The following AGAP1 variants were observed in gnomAD, a reference collection of about 807,000 sequenced individuals.
AGAP1 encodes arf-GAP with GTPase, ANK repeat and PH domain-containing protein 1.
A neutral mutation model predicts 105.3 loss-of-function variants in AGAP1; 29 were observed. The observed-to-expected ratio is 0.28, with a 90% CI of 0.21 to 0.38. The LOEUF is 0.38. Among genes scored for constraint, AGAP1 ranks in the 10% least tolerant of loss-of-function variants. The pLI, the probability that AGAP1 is intolerant of heterozygous loss-of-function variation, is 1.00. For synonymous variants in AGAP1, 509 were observed against 485.9 expected (o/e 1.05, Z -0.63); for missense variants, 998 against 1,165.1 (o/e 0.86, Z 2.09).
intron 1 of AGAP1, among the ~76,000 whole-genome samples, chr2:235,576,780 C>A (rs1220003157): frequency 6.6e-6 from 1 of 152,222 alleles, no homozygotes; most frequent in Admixed American, 6.5e-5. Context: ...AGATGCCCAG[C>A]GTAAGGGTAC....
intron 16 of AGAP1, among the ~76,000 whole-genome samples, chr2:236,086,225 A>C (rs1205172027): frequency 6.6e-6 from 1 of 152,182 alleles, no homozygotes; most frequent in African/African-American, 2.4e-5. Context: ...TGACTGCGTA[A>C]TTTTATCCTG....
rs561861358 is a variant in AGAP1 at position 235,710,661 on chromosome 2, G to A, written c.222+1424G>A. On this transcript the variant is annotated intron_variant, in intron 2 of 17. Coordinates refer to ENST00000304032, the MANE Select transcript of AGAP1 (RefSeq NM_001037131.3). ...TCTGTCTTTTGTGTGCTTTGTCACCGCGGCACTGGCAGGGTGTCTTAAGCC... is the reference window on the plus strand; with the variant it reads ...TCTGTCTTTTGTGTGCTTTGTCACCACGGCACTGGCAGGGTGTCTTAAGCC... 1.1e-4 allele frequency among the ~76,000 whole-genome samples: 16 copies of A among 152,342 alleles called. No homozygotes were observed. The East Asian group carries it at 1.2e-3, about 11-fold the overall frequency.
rs1420663537 is a variant in AGAP1, at chr2:235,620,822, G to A, written c.164-88357G>A. ...TGAACAAGTGAATGAGTGATCCTGA[G>A]TTTGCTCTGGTTTCCTTCTAGTTGT... is the stretch of plus-strand genomic sequence containing the variant. On this transcript the variant is annotated intron_variant, in intron 1 of 17. Coordinates refer to ENST00000304032, the MANE Select transcript of AGAP1 (RefSeq NM_001037131.3). The surrounding 1 kb of genome is among the most constrained non-coding windows in gnomAD (Gnocchi z 4.5). Among the ~76,000 whole-genome samples, 3 of 152,204 alleles carry A rather than the reference G, an allele frequency of 2.0e-5. No individual in the cohort carries two copies. The highest frequency in any genetic ancestry group is 4.4e-5 in the Non-Finnish European group (3 of 68,042).
At chr2:235,807,624 A>T (rs988506147) in intron 9 of AGAP1, among the ~76,000 whole-genome samples, 1 of 152,206 alleles carries the variant, frequency 6.6e-6, no homozygotes, top group African/African-American at 2.4e-5. Context: ...CACGGCTTTG[A>T]TTGGGCCGCG....
At chr2:236,022,548 T>C (rs1026341636) in intron 13 of AGAP1, among the ~76,000 whole-genome samples, 4 of 152,212 alleles carry the variant, frequency 2.6e-5, no homozygotes, top group Admixed American at 6.5e-5. Context: ...TGTCTTTTAT[T>C]TTTGGACAGA....
In AGAP1 at chr2:235,908,709, C is replaced by G; in HGVS notation, c.1156-29C>G. 6.9e-7 allele frequency: 1 copy of G among 1,443,892 alleles called. No individual in the cohort carries two copies. Among genetic ancestry groups the G allele is most frequent in the Non-Finnish European group, 9.3e-7 (1 of 1,080,090 alleles). The allele number at this position is 1,443,892 out of a possible 1,614,324, so 89.4% of individuals were successfully genotyped here. On this transcript the variant is annotated intron_variant, in intron 10 of 17. Coordinates refer to ENST00000304032, the MANE Select transcript of AGAP1 (RefSeq NM_001037131.3). The surrounding 1 kb of genome is among the most constrained non-coding windows in gnomAD (Gnocchi z 4.4). ...TAAAAGGTCTTTTTTTTTTTTTTAT[C>G]TCTCTTGGATGTTTAACATTTTCAA...
At chr2:235,802,566 G>A (rs1957544190) in intron 8 of AGAP1, among the ~76,000 whole-genome samples, 1 of 152,246 alleles carries the variant, frequency 6.6e-6, no homozygotes, top group Non-Finnish European at 1.5e-5. Flanking sequence ...GGAAAAGACA[G>A]TGAAAGTTCT....
intron 11 of AGAP1, among the ~76,000 whole-genome samples, chr2:235,926,788 G>A (rs916886163): frequency 7.2e-5 from 11 of 152,182 alleles, no homozygotes; most frequent in African/African-American, 2.7e-4. Context: ...TGAGTGCAGT[G>A]GGGTGTGGGG....
rs1208653428 is a variant in AGAP1, at chr2:235,752,714, A to G, written c.673+2226A>G. ...TGACTCCTTTGCTTTTGTATTTATCACGGTTAACATACATGAGTTTTCCAT... is the reference window on the plus strand; with the variant it reads ...TGACTCCTTTGCTTTTGTATTTATCGCGGTTAACATACATGAGTTTTCCAT... On this transcript the variant is annotated intron_variant, in intron 6 of 17. Transcript: ENST00000304032. This position sits in a 1 kb window ranked among gnomAD's most constrained non-coding sequence, Gnocchi z 4.3. Among the ~76,000 whole-genome samples, 1 of 152,178 alleles carries G rather than the reference A, an allele frequency of 6.6e-6. No homozygotes were observed. Among genetic ancestry groups the G allele is most frequent in the African/African-American group, 2.4e-5 (1 of 41,452 alleles).
intron 16 of AGAP1, among the ~76,000 whole-genome samples, chr2:236,118,732 T>A (rs554080246): frequency 1.0e-3 from 152 of 152,240 alleles, no homozygotes; most frequent in African/African-American, 3.5e-3. Flanking sequence ...CAGGGAGCAC[T>A]TCCCTGGCTG....
chr2:235,680,770 C>T (rs1277515888), intron 1 of AGAP1, among the ~76,000 whole-genome samples: 2 of 152,098 alleles, frequency 1.3e-5, no homozygotes, highest in African/African-American at 4.8e-5. Context: ...TTTCAGGCCT[C>T]ACCAGAATTG....
At chr2:235,807,769 G>C (rs767776390) in intron 9 of AGAP1, among the ~76,000 whole-genome samples, 4 of 152,204 alleles carry the variant, frequency 2.6e-5, no homozygotes, top group Admixed American at 6.5e-5. Context: ...GTAACAACGA[G>C]GCAATTAGTT....
At chr2:235,800,723 A>G (rs1304399415) in intron 8 of AGAP1, among the ~76,000 whole-genome samples, 1 of 152,236 alleles carries the variant, frequency 6.6e-6, no homozygotes, top group Non-Finnish European at 1.5e-5. Flanking sequence ...GGCTCTCACA[A>G]CAGGAGTATG....
At chr2:235,825,901 TG>T (rs1436835262) in intron 9 of AGAP1, among the ~76,000 whole-genome samples, 1 of 152,152 alleles carries the variant, frequency 6.6e-6, no homozygotes, top group Non-Finnish European at 1.5e-5. Flanking sequence ...AATGAGAGGA[TG>T]GAGACCTTAT....
At chr2:235,527,999 G>T (rs1942906260) in intron 1 of AGAP1, among the ~76,000 whole-genome samples, 1 of 152,208 alleles carries the variant, frequency 6.6e-6, no homozygotes, top group South Asian at 2.1e-4. Context: ...CTTTGGACAT[G>T]TAAGTCGCTT....
intron 1 of AGAP1, chr2:235,670,529 G>A (rs1216848836): frequency 6.2e-6 from 3 of 484,174 alleles, no homozygotes; most frequent in Non-Finnish European, 1.1e-5. Flanking sequence ...CGTGGAGGGG[G>A]CCCGGGCCGC....
chr2:235,820,436 G>T (rs1238030284), intron 9 of AGAP1, among the ~76,000 whole-genome samples: 1 of 152,076 alleles, frequency 6.6e-6, no homozygotes, highest in Non-Finnish European at 1.5e-5. Flanking sequence ...CTGGTTTCTT[G>T]TACAACTTTT....
chr2:235,550,811 G>C lies in AGAP1; in HGVS notation c.163+55962G>C, dbSNP rs908589148. On this transcript the variant is annotated intron_variant, in intron 1 of 17. Transcript: ENST00000304032. The surrounding 1 kb of genome is among the most constrained non-coding windows in gnomAD (Gnocchi z 4.6). ...TTTTTTTGAGATAGAGTCTCACTCTGTTGCCCAGGCTGGAGTGCAGTGGCA... is the reference window on the plus strand; with the variant it reads ...TTTTTTTGAGATAGAGTCTCACTCTCTTGCCCAGGCTGGAGTGCAGTGGCA... Among the ~76,000 whole-genome samples, 2 of 152,172 alleles carry C rather than the reference G, an allele frequency of 1.3e-5. No individual in the cohort carries two copies. The highest frequency in any genetic ancestry group is 4.8e-5 in the African/African-American group (2 of 41,442).
At chr2:235,496,105 C>T (rs1452960323) in intron 1 of AGAP1, among the ~76,000 whole-genome samples, 1 of 152,126 alleles carries the variant, frequency 6.6e-6, no homozygotes, top group Non-Finnish European at 1.5e-5. Flanking sequence ...GAAACTTGGC[C>T]AGTTAGGTGG....
Sources: gnomAD v4.1 joint callset for allele counts (sites outside exome capture counted in the v4.1 genomes callset) on GRCh38, gnomAD v4.1.1 for gene constraint, Gnocchi (gnomAD v3.1) non-coding constraint, MANE v1.5 for transcripts, NCBI Gene and HGNC (gene_info 2026-07-23, HGNC 2026-07-21) for gene names.